CASP9: variants seen among roughly 807,000 people sequenced by gnomAD.
The protein encoded by CASP9 is caspase-9.
A neutral mutation model predicts 43.5 loss-of-function variants in CASP9; 29 were observed. The observed-to-expected ratio is 0.67, with a 90% confidence interval of 0.50 to 0.91. The LOEUF is 0.91. CASP9 is among the 40% of genes least tolerant of loss of function. The pLI is 0.00. For missense variants in CASP9, 575 were observed against 537.4 expected (o/e 1.07, Z -0.69); for synonymous variants, 206 against 211.9 (o/e 0.97, Z 0.24).
intron 6 of CASP9, among the ~76,000 whole-genome samples, chr1:15,497,139 G>A (rs866660960): frequency 2.0e-5 from 3 of 151,210 alleles, no homozygotes; most frequent in Non-Finnish European, 4.4e-5. Context: ...GTAAAACCCC[G>A]TCTCTATTAA....
chr1:15,509,460 C>CAAAAAAAAAAAA (rs563284288), intron 2 of CASP9, among the ~76,000 whole-genome samples: 4 of 105,664 alleles, frequency 3.8e-5, no homozygotes, highest in Non-Finnish European at 7.7e-5. Flanking sequence ...ACTAAAAATA[C>CAAAAAAAAAAAA]AAAAAAAAAA....
At chr1:15,504,802 T>C (rs774012785) in intron 5 of CASP9, 44 bp from the exon 6 acceptor site, 1 of 1,586,454 alleles carries the variant, frequency 6.3e-7, no homozygotes, top group South Asian at 1.1e-5. Context: ...GAAGTTGGAG[T>C]AGGAATCCAA....
At chr1:15,521,062 G>C (rs1169920585) in intron 1 of CASP9, among the ~76,000 whole-genome samples, 2 of 151,758 alleles carry the variant, frequency 1.3e-5, no homozygotes, top group East Asian at 3.9e-4. Flanking sequence ...GAGGCTGAGG[G>C]AGGAGAATGG....
intron 1 of CASP9, chr1:15,520,134 T>C (rs1710123534): frequency 6.8e-6 from 1 of 147,816 alleles, no homozygotes; most frequent in Non-Finnish European, 1.5e-5. Context: ...AGGGATAAGA[T>C]GGCACCGTGT....
chr1:15,492,247 A>G lies in CASP9; in HGVS notation c.*696T>C, dbSNP rs1179548346. ...AAGGAAGAAGAAAGAGTTGGAGCAA[A>G]ATGAGGGAAGAAATAGGCAAAAGAG... is the stretch of plus-strand genomic sequence containing the variant. On this transcript the variant is annotated 3_prime_UTR_variant, in exon 9 of 9. Coordinates refer to ENST00000333868, the MANE Select transcript of CASP9 (RefSeq NM_001229.5). The G allele has an allele frequency of 1.3e-5, 2 of 152,226 alleles. No individual in the cohort carries two copies. Among genetic ancestry groups the G allele is most frequent in the Non-Finnish European group, 2.9e-5 (2 of 68,042 alleles). The allele number at this position is 152,226 out of a possible 1,614,324, so 9.4% of individuals were successfully genotyped here.
chr1:15,513,115 C>T (rs1296349279), intron 2 of CASP9, among the ~76,000 whole-genome samples: 2 of 149,718 alleles, frequency 1.3e-5, no homozygotes, highest in Admixed American at 6.7e-5. Context: ...GTGCGGAGAT[C>T]GCGCCACTGC....
At position 15,506,973 on chromosome 1, in the gene CASP9, C is replaced by T. The variant is rs1206514740; in HGVS notation, c.556G>A (p.Asp186Asn). The T allele has an allele frequency of 5.6e-6, 9 of 1,614,022 alleles. No homozygotes were observed. Among genetic ancestry groups the T allele is most frequent in the African/African-American group, 5.3e-5 (4 of 74,926 alleles). Residue 186 changes from aspartate to asparagine, a missense_variant, in exon 4 of 9, where the codon GAC becomes AAC. Asp to Asn is a conservative substitution (Grantham distance 23). Coordinates refer to ENST00000333868, the MANE Select transcript of CASP9 (RefSeq NM_001229.5). Reference protein sequence around the residue: ...GLRTRTGSNIDCEKLRRRFSS... With the variant: ...GLRTRTGSNINCEKLRRRFSS... Reference sequence around the variant, plus strand: ...AAGCGACGCCGCAACTTCTCACAGTCGATGTTGGAGCCAGTGCGGGTGCGG... The same window carrying T: ...AAGCGACGCCGCAACTTCTCACAGTTGATGTTGGAGCCAGTGCGGGTGCGG...
chr1:15,495,523 T>G (rs1378392002), intron 6 of CASP9, 71 bp from the exon 7 acceptor site: 11 of 1,318,342 alleles, frequency 8.3e-6, no homozygotes. Flanking sequence ...CATATGAAAG[T>G]CGGTGCAATA....
At chr1:15,504,566 C>A in intron 6 of CASP9, 45 bp downstream of exon 6, 1 of 1,564,370 alleles carries the variant, frequency 6.4e-7, no homozygotes, top group East Asian at 2.2e-5. Context: ...GTGGCGGCTC[C>A]CTCCCCACCA....
At chr1:15,507,782 G>A (rs771194098) in intron 3 of CASP9, 91 bp downstream of exon 3, 3 of 1,308,794 alleles carry the variant, frequency 2.3e-6, no homozygotes, top group Non-Finnish European at 3.3e-6. Context: ...GGTTCCCTGG[G>A]CTCCTGACAC....
chr1:15,498,305 C>G (rs553259801), intron 6 of CASP9, among the ~76,000 whole-genome samples: 2 of 152,106 alleles, frequency 1.3e-5, no homozygotes, highest in African/African-American at 2.4e-5. Context: ...TCTCAAACTC[C>G]TGGGCTCAAG....
At chr1:15,503,363 G>A (rs1316335972) in intron 6 of CASP9, among the ~76,000 whole-genome samples, 2 of 152,336 alleles carry the variant, frequency 1.3e-5, no homozygotes, top group East Asian at 1.9e-4. Context: ...GTCTAGAGAT[G>A]AACTGGCCCA....
At chr1:15,508,791 CAG>C (rs1446985249) in intron 2 of CASP9, among the ~76,000 whole-genome samples, 10 of 152,220 alleles carry the variant, frequency 6.6e-5, no homozygotes, top group Non-Finnish European at 1.2e-4. Context: ...TGGAAGCTCA[CAG>C]GAGTGAATGC....
At chr1:15,517,199 T>C (rs1272103414) in intron 2 of CASP9, among the ~76,000 whole-genome samples, 2 of 151,936 alleles carry the variant, frequency 1.3e-5, no homozygotes, top group Non-Finnish European at 2.9e-5. Flanking sequence ...AGTAGGAAAA[T>C]GGTTAAATAA....
chr1:15,518,110 C>A lies in CASP9; in HGVS notation c.418G>T (p.Gly140Cys). 1 of 1,613,546 alleles carries A rather than the reference C, an allele frequency of 6.2e-7. No individual in the cohort carries two copies. Reference sequence around the variant, plus strand: ...CACCAATCACTCTCTTGCTACTTACCGACATCACCAAATCCTCCAGAACCA... The same window carrying A: ...CACCAATCACTCTCTTGCTACTTACAGACATCACCAAATCCTCCAGAACCA... ...DIGSGGFGDVGALESLRGNAD... is the reference protein window; with the variant it reads ...DIGSGGFGDVCALESLRGNAD... The change falls in exon 2 of 9, where the codon GGT (glycine) becomes TGT (cysteine). Residue 140 changes from glycine (G) to cysteine (C), a missense_variant and splice_region_variant. By Grantham distance (159) the Gly-to-Cys change is radical (BLOSUM62 -3). Transcript: ENST00000333868.
At chr1:15,495,590 C>A in intron 6 of CASP9, 138 bp from the exon 7 acceptor site, 2 of 753,562 alleles carry the variant, frequency 2.7e-6, no homozygotes, top group Non-Finnish European at 3.9e-6. Context: ...CTCATTAAGC[C>A]AAACGGAAAA....
At chr1:15,498,795 G>T (rs1347237089) in intron 6 of CASP9, among the ~76,000 whole-genome samples, 2 of 136,826 alleles carry the variant, frequency 1.5e-5, no homozygotes, top group Admixed American at 1.6e-4. Context: ...TGTCATCCAG[G>T]CTGGAATGCA....
Position 15,505,701 on chromosome 1 carries a change from C to T in CASP9, c.720+289G>A, listed in dbSNP as rs77241465. Among the ~76,000 whole-genome samples the T allele has an allele frequency of 2.6e-4, 39 of 152,290 alleles. 1 individual carries two copies. The East Asian group carries it at 7.0e-3, about 27-fold the overall frequency. ...GCTGAGACAACATGTGTGCTGTACC[C>T]GCCTCTGAACAAACTCTGGGTGCAG... On this transcript the variant is annotated intron_variant, in intron 5 of 8. Transcript: ENST00000333868.
At chr1:15,524,880 C>A, upstream of CASP9, 1 of 546,774 alleles carries the variant, frequency 1.8e-6, no homozygotes, top group Non-Finnish European at 2.3e-6. Context: ...CCCCAGAATC[C>A]ATTCCGCGCC....
Sources: gnomAD v4.1 joint callset for allele counts (sites outside exome capture counted in the v4.1 genomes callset) on GRCh38, gnomAD v4.1.1 for gene constraint, MANE v1.5 for transcripts, NCBI Gene and HGNC (gene_info 2026-07-23, HGNC 2026-07-21) for gene names.